Variants in PRELID2 observed in about 807,000 individuals in gnomAD.
PRELID2 encodes the protein PRELI domain containing 2.
Under a neutral mutation model 28.4 loss-of-function variants are expected in PRELID2, and 25 were observed. That is an observed-to-expected ratio of 0.88 (90% confidence interval 0.64 to 1.23). The LOEUF is 1.23. Among genes scored for constraint, PRELID2 ranks in the 50% most tolerant of loss-of-function variants. The probability of loss-of-function intolerance (pLI) is 0.00; values close to 1 mark genes in which losing one functional copy is unlikely to be tolerated. For missense variants in PRELID2, 201 were observed against 214.4 expected (o/e 0.94, Z 0.39); for synonymous variants, 76 against 71.6 (o/e 1.06, Z -0.31).
Position 145,580,167 on chromosome 5 carries a change from A to G in PRELID2, n.71-106852T>C, listed in dbSNP as rs116096046. Among the ~76,000 whole-genome samples, 1,025 of 152,178 alleles carry G rather than the reference A, an allele frequency of 6.7e-3. 22 individuals are homozygous for G. Among genetic ancestry groups the G allele is most frequent in the African/African-American group, 0.023 (969 of 41,546 alleles). ...TGTTACAGTAACTTGTGTTGCCTTA[A>G]CTAATATAGGTGGCAAGGCCATACA... is the stretch of plus-strand genomic sequence containing the variant. On this transcript the variant is annotated intron_variant and non_coding_transcript_variant, in intron 1 of 2. Transcript: ENST00000510259.
chr5:145,720,667 G>C (rs189967172), intron 1 of PRELID2, among the ~76,000 whole-genome samples: 33 of 152,098 alleles, frequency 2.2e-4, no homozygotes, highest in African/African-American at 7.2e-4. Flanking sequence ...TTAGGTAAAA[G>C]GGTTAATAGT....
intron 1 of PRELID2, among the ~76,000 whole-genome samples, chr5:145,695,745 A>G (rs1306507986): frequency 6.6e-6 from 1 of 152,154 alleles, no homozygotes; most frequent in Non-Finnish European, 1.5e-5. Flanking sequence ...CCCTCACAAC[A>G]TGGCAGCTGG....
chr5:145,280,997 T>C, the PRELID2 span, among the ~76,000 whole-genome samples: 10 of 152,254 alleles, frequency 6.6e-5, no homozygotes, highest in African/African-American at 1.9e-4. Context: ...AGTATCTAGA[T>C]GCTCAAATGT....
chr5:145,323,636 G>GT, the PRELID2 span, among the ~76,000 whole-genome samples: 1 of 152,076 alleles, frequency 6.6e-6, no homozygotes, highest in Non-Finnish European at 1.5e-5. Flanking sequence ...GTTCAAGTAA[G>GT]TCCCAGCATC....
At chr5:145,309,366 G>C in the PRELID2 span, among the ~76,000 whole-genome samples, 1 of 152,146 alleles carries the variant, frequency 6.6e-6, no homozygotes, top group African/African-American at 2.4e-5. Context: ...ACTGGGGTTT[G>C]TTTGAGGGGC....
Position 145,531,019 on chromosome 5 carries a change from T to A in PRELID2, n.71-57704A>T, listed in dbSNP as rs564082988. On this transcript the variant is annotated intron_variant and non_coding_transcript_variant, in intron 1 of 2. Transcript: ENST00000510259. ...TTTGGTTTTGTTTTTTAATTGGAAG[T>A]AAATTCTTTGAAAGAAAAGTGAAGC... 2.8e-4 allele frequency among the ~76,000 whole-genome samples: 43 copies of A among 152,200 alleles called. 1 individual carries two copies. The highest frequency in any genetic ancestry group is 4.6e-4 in the Non-Finnish European group (31 of 68,038).
At chr5:145,304,600 A>T in the PRELID2 span, among the ~76,000 whole-genome samples, 21,549 of 152,104 alleles carry the variant, frequency 0.14, 2,870 homozygotes, top group African/African-American at 0.36. Flanking sequence ...AACTATTAAG[A>T]GTGAGAGCCT....
chr5:145,619,672 T>A (rs527463417), intron 1 of PRELID2, among the ~76,000 whole-genome samples: 19 of 152,326 alleles, frequency 1.2e-4, no homozygotes, highest in African/African-American at 4.3e-4. Context: ...AGCCTCCCCC[T>A]GCTGCTCTGT....
At chr5:145,559,247 T>A (rs1298851031) in intron 1 of PRELID2, among the ~76,000 whole-genome samples, 5 of 150,254 alleles carry the variant, frequency 3.3e-5, no homozygotes, top group Non-Finnish European at 7.4e-5. Context: ...GAGCGAGACT[T>A]CATCTCAAAA....
At chr5:145,544,144 A>G (rs1425928877) in intron 1 of PRELID2, among the ~76,000 whole-genome samples, 1 of 152,102 alleles carries the variant, frequency 6.6e-6, no homozygotes, top group Admixed American at 6.6e-5. Context: ...TAGGCTGTAG[A>G]GGCAGACTTT....
At chr5:145,427,939 T>G in the PRELID2 span, among the ~76,000 whole-genome samples, 1 of 152,140 alleles carries the variant, frequency 6.6e-6, no homozygotes, top group African/African-American at 2.4e-5. Context: ...AAATCTTGTA[T>G]GAAAACAGTT....
intron 4 of PRELID2, among the ~76,000 whole-genome samples, chr5:145,806,332 G>T (rs1753506241): frequency 6.6e-6 from 1 of 150,650 alleles, no homozygotes; most frequent in African/African-American, 2.4e-5. Context: ...AAATATTTTT[G>T]TTAAAAACAC....
At chr5:145,811,269 A>G (rs1390195157) in intron 4 of PRELID2, among the ~76,000 whole-genome samples, 5 of 151,782 alleles carry the variant, frequency 3.3e-5, no homozygotes, top group Admixed American at 6.6e-5. Context: ...GTGAGCTACA[A>G]CTCAAGATGA....
the PRELID2 span, among the ~76,000 whole-genome samples, chr5:145,393,306 T>C: frequency 1.3e-5 from 2 of 152,026 alleles, no homozygotes; most frequent in Non-Finnish European, 2.9e-5. Flanking sequence ...TCAGGGGAAA[T>C]ATAACTTGGC....
the PRELID2 span, among the ~76,000 whole-genome samples, chr5:145,432,430 T>TAA: frequency 0.2 from 27,148 of 133,178 alleles, 2,835 homozygotes; most frequent in South Asian, 0.31. Context: ...CTCAAGTTGT[T>TAA]AAAAAAAAAA....
At chr5:145,810,542 T>C (rs1438894882) in intron 4 of PRELID2, among the ~76,000 whole-genome samples, 1 of 152,200 alleles carries the variant, frequency 6.6e-6, no homozygotes, top group East Asian at 1.9e-4. Flanking sequence ...CCCAAAGATG[T>C]GTACTGAGGG....
intron 1 of PRELID2, among the ~76,000 whole-genome samples, chr5:145,746,799 C>A (rs950331927): frequency 6.6e-6 from 1 of 152,120 alleles, no homozygotes; most frequent in Non-Finnish European, 1.5e-5. Flanking sequence ...AACTCCTGAG[C>A]AAATGCAAAA....
At chr5:145,779,024 C>A (rs1409427849) in intron 5 of PRELID2, among the ~76,000 whole-genome samples, 1 of 152,144 alleles carries the variant, frequency 6.6e-6, no homozygotes, top group Non-Finnish European at 1.5e-5. Context: ...AAAAATATGA[C>A]CTGTTACTGT....
At chr5:145,572,157 A>T (rs1753020409) in intron 1 of PRELID2, among the ~76,000 whole-genome samples, 1 of 152,122 alleles carries the variant, frequency 6.6e-6, no homozygotes, top group Non-Finnish European at 1.5e-5. Flanking sequence ...GGTTGAAAAA[A>T]CCAATTGCCA....
Sources: gnomAD v4.1 joint callset for allele counts (sites outside exome capture counted in the v4.1 genomes callset) on GRCh38, gnomAD v4.1.1 for gene constraint, MANE v1.5 for transcripts, NCBI Gene and HGNC (gene_info 2026-07-23, HGNC 2026-07-21) for gene names.